Variants in DMXL1 observed in about 807,000 individuals in gnomAD.
DMXL1 encodes the protein Dmx like 1.
DMXL1 carries 99 observed loss-of-function variants against 319.2 expected under a neutral mutation model. The observed-to-expected ratio is 0.31, with a 90% CI of 0.26 to 0.37. The LOEUF (loss-of-function observed/expected upper bound fraction) is 0.37. Ranked by LOEUF, DMXL1 falls within the 10% of genes least tolerant of loss-of-function variation. DMXL1 has a pLI of 1.00. For missense variants in DMXL1, 3,745 were observed against 3,595.6 expected, an observed-to-expected ratio of 1.04 and a Z score of -1.06; for synonymous variants, 1,385 against 1,235.2, an observed-to-expected ratio of 1.12 and a Z score of -2.54.
At chr5:119,083,824 C>T (rs1752739624) in intron 1 of DMXL1, among the ~76,000 whole-genome samples, 1 of 152,156 alleles carries the variant, frequency 6.6e-6, no homozygotes, top group South Asian at 2.1e-4. Flanking sequence ...AGCCCTGAGC[C>T]ACCGTGCCTG....
chr5:119,144,432 AT>A lies in DMXL1; in HGVS notation c.2467-102del, dbSNP rs1201854351. 3.6e-6 allele frequency: 3 copies of A among 839,904 alleles called. No homozygotes were observed. The East Asian group carries it at 8.0e-5, about 22-fold the overall frequency. The allele number at this position is 839,904 out of a possible 1,614,324, so 52.0% of individuals were successfully genotyped here. On this transcript the variant is annotated intron_variant, in intron 14 of 43. Transcript: ENST00000539542. ...CGTTCTGCTGAACTTTTGACTTCTT[AT>A]TCTGCCTTTAAATATCTCATTATGA...
At chr5:119,138,414 A>G (rs4895185) in intron 13 of DMXL1, among the ~76,000 whole-genome samples, 37,254 of 152,156 alleles carry the variant, frequency 0.24, 5,342 homozygotes, top group Non-Finnish European at 0.34. Context: ...TTTGACATCC[A>G]AAAGACATAG....
At position 119,248,719 on chromosome 5, in the gene DMXL1, A is replaced by C. The variant is rs2150783953; in HGVS notation, c.*1500A>C. 6.6e-6 allele frequency: 1 copy of C among 152,574 alleles called. No individual in the cohort carries two copies. The highest frequency in any genetic ancestry group is 3.4e-3 in the Middle Eastern group (1 of 294). The allele number at this position is 152,574 out of a possible 1,614,324, so 9.5% of individuals were successfully genotyped here. A position where few individuals can be genotyped will look rare whatever the true frequency, so the allele number is the denominator to read the frequency against. ...AAGTATGTTGTTAAAGATTTTGTAAATTGTATTTCAACAATTTTAAATGTG... is the reference window on the plus strand; with the variant it reads ...AAGTATGTTGTTAAAGATTTTGTAACTTGTATTTCAACAATTTTAAATGTG... On this transcript the variant is annotated 3_prime_UTR_variant, in exon 44 of 44. Coordinates refer to ENST00000539542, the MANE Select transcript of DMXL1 (RefSeq NM_001290321.3).
At chr5:119,075,528 C>T (rs1014731427) in intron 1 of DMXL1, among the ~76,000 whole-genome samples, 3 of 152,032 alleles carry the variant, frequency 2.0e-5, no homozygotes, top group Non-Finnish European at 2.9e-5. Context: ...CGTGAGCCAC[C>T]GCGCCCTGCC....
chr5:119,134,145 T>C lies in DMXL1; in HGVS notation c.2221T>C (p.Trp741Arg). ...LHVSAFSNVA[W>R]LPTLIPSYCL... ...TGTTTCTGCCTTTTCCAATGTGGCATGGCTGCCCACTCTTATACCCAGTTA... is the reference window on the plus strand; with the variant it reads ...TGTTTCTGCCTTTTCCAATGTGGCACGGCTGCCCACTCTTATACCCAGTTA... The change falls in exon 12 of 44, where the codon TGG (tryptophan) becomes CGG (arginine). Residue 741 changes from tryptophan (W) to arginine (R), a missense_variant. Trp to Arg is a moderately radical substitution (Grantham distance 101, BLOSUM62 -3). Coordinates refer to ENST00000539542, the MANE Select transcript of DMXL1 (RefSeq NM_001290321.3). The C allele has an allele frequency of 6.2e-7, 1 of 1,614,042 alleles. No homozygotes were observed. Among genetic ancestry groups the C allele is most frequent in the Non-Finnish European group, 8.5e-7 (1 of 1,180,028 alleles).
chr5:119,163,956 C>A (rs1005670049), intron 19 of DMXL1, among the ~76,000 whole-genome samples: 1 of 152,158 alleles, frequency 6.6e-6, no homozygotes, highest in South Asian at 2.1e-4. Flanking sequence ...AAGTGATCCA[C>A]CCACCTAGGC....
At chr5:119,167,457 C>A (rs1027914289) in intron 22 of DMXL1, 146 bp from the exon 23 acceptor site, 2 of 660,688 alleles carry the variant, frequency 3.0e-6, no homozygotes, top group Non-Finnish European at 2.5e-6. Context: ...TAAAAGCAAG[C>A]AGCATATGTT....
chr5:119,167,197 A>G (rs753609866), intron 22 of DMXL1, among the ~76,000 whole-genome samples: 10 of 152,172 alleles, frequency 6.6e-5, no homozygotes, highest in Non-Finnish European at 1.3e-4. Flanking sequence ...TCTGTCTCAA[A>G]TTGCCCTTTT....
At chr5:119,134,628 T>G (rs1765601321) in intron 13 of DMXL1, among the ~76,000 whole-genome samples, 1 of 152,240 alleles carries the variant, frequency 6.6e-6, no homozygotes, top group Non-Finnish European at 1.5e-5. Flanking sequence ...TCTGTAACAC[T>G]TCTTTACTCA....
intron 43 of DMXL1, 148 bp downstream of exon 43, chr5:119,244,724 A>G (rs1789439116): frequency 1.1e-5 from 6 of 549,156 alleles, no homozygotes; most frequent in African/African-American, 5.7e-5. Flanking sequence ...TAATCTTTCA[A>G]TGAATGGAAT....
intron 28 of DMXL1, among the ~76,000 whole-genome samples, chr5:119,188,337 G>A (rs1308696322): frequency 6.6e-6 from 1 of 152,118 alleles, no homozygotes; most frequent in Non-Finnish European, 1.5e-5. Context: ...AGGCGTCTGA[G>A]GTGTGGATAT....
At chr5:119,200,108 T>G (rs557801266) in intron 32 of DMXL1, among the ~76,000 whole-genome samples, 1 of 152,364 alleles carries the variant, frequency 6.6e-6, no homozygotes, top group African/African-American at 2.4e-5. Flanking sequence ...TTTGCTTTTG[T>G]TGAAATTCCT....
At chr5:119,124,562 AC>A (rs1472137145) in intron 9 of DMXL1, among the ~76,000 whole-genome samples, 13 of 125,832 alleles carry the variant, frequency 1.0e-4, no homozygotes, top group African/African-American at 3.5e-4. Flanking sequence ...TATGGTGATG[AC>A]TTTTTTTTTT....
At chr5:119,157,626 A>G (rs1771396652) in intron 19 of DMXL1, among the ~76,000 whole-genome samples, 1 of 152,158 alleles carries the variant, frequency 6.6e-6, no homozygotes, top group Non-Finnish European at 1.5e-5. Context: ...AAATCAATTG[A>G]GTATAAATGT....
chr5:119,112,225 T>G (rs967807650), intron 5 of DMXL1, among the ~76,000 whole-genome samples: 17 of 152,214 alleles, frequency 1.1e-4, no homozygotes, highest in African/African-American at 4.1e-4. Context: ...CCTCCCCAAG[T>G]GCTGGGATTA....
At chr5:119,194,382 A>G (rs1162587084) in intron 30 of DMXL1, among the ~76,000 whole-genome samples, 3 of 152,250 alleles carry the variant, frequency 2.0e-5, no homozygotes, top group South Asian at 4.1e-4. Context: ...TAAGATGTCA[A>G]TAGGTACTAT....
chr5:119,232,555 A>G (rs75910028), intron 38 of DMXL1, among the ~76,000 whole-genome samples: 10,002 of 152,232 alleles, frequency 0.066, 455 homozygotes, highest in Non-Finnish European at 0.1. Flanking sequence ...CCAGTGACTT[A>G]TATATCATTA....
chr5:119,119,591 A>G (rs931725853), intron 8 of DMXL1, among the ~76,000 whole-genome samples: 1 of 149,978 alleles, frequency 6.7e-6, no homozygotes. Context: ...GCTGGAGTGC[A>G]GTGGCATGAT....
intron 19 of DMXL1, among the ~76,000 whole-genome samples, chr5:119,159,064 A>T (rs1369661305): frequency 6.6e-6 from 1 of 152,018 alleles, no homozygotes; most frequent in Non-Finnish European, 1.5e-5. Flanking sequence ...TTTTTCTTTA[A>T]ATGTTTAGTA....
Sources: allele counts gnomAD v4.1 joint callset (sites outside exome capture counted in the v4.1 genomes callset), GRCh38; gene constraint gnomAD v4.1.1; transcripts MANE v1.5; gene names NCBI Gene and HGNC (gene_info 2026-07-23, HGNC 2026-07-21).